Variants in AFF2 observed in about 807,000 individuals in gnomAD.
AFF2 encodes the protein AF4/FMR2 family member 2.
Under a neutral mutation model 76.9 loss-of-function variants are expected in AFF2, and 14 were observed. The observed-to-expected ratio is 0.18, with a 90% CI of 0.12 to 0.28. The LOEUF is 0.28. Ranked by LOEUF, AFF2 falls within the 10% of genes least tolerant of loss-of-function variation. The probability of loss-of-function intolerance (pLI) is 1.00; values close to 1 mark genes in which losing one functional copy is unlikely to be tolerated. For synonymous variants in AFF2, 398 were observed against 366.7 expected (o/e 1.09, Z -0.98); for missense variants, 868 against 1,001.1 (o/e 0.87, Z 1.79).
At chrX:148,665,965 G>A (rs2054354958) in intron 3 of AFF2, among the ~76,000 whole-genome samples, 2 of 111,796 alleles carry the variant, frequency 1.8e-5, no homozygotes, top group African/African-American at 3.3e-5. Flanking sequence ...AAGTGCATTT[G>A]TGGGGAGGGT....
At chrX:148,774,980 CTTGA>C (rs1265988086) in intron 3 of AFF2, among the ~76,000 whole-genome samples, 12 of 111,831 alleles carry the variant, frequency 1.1e-4, no homozygotes, top group African/African-American at 3.6e-4. Flanking sequence ...AGCTCTTTTG[CTTGA>C]TTATTTGTAA....
intron 1 of AFF2, among the ~76,000 whole-genome samples, chrX:148,602,282 G>A (rs1163094022): frequency 8.9e-6 from 1 of 111,745 alleles, no homozygotes; most frequent in East Asian, 2.8e-4. Flanking sequence ...AAAAGAAGAA[G>A]GCGGGGACAG....
rs1037632478 is a variant in AFF2, at chrX:148,904,090, C to T, written c.1360-131C>T. 1.4e-5 allele frequency: 7 copies of T among 496,652 alleles called. No individual in the cohort carries two copies. The African/African-American group carries it at 1.5e-4, about 11-fold the overall frequency. The allele number at this position is 496,652 out of a possible 1,213,427, so 40.9% of individuals were successfully genotyped here. A position where few individuals can be genotyped will look rare whatever the true frequency, so the allele number is the denominator to read the frequency against. On this transcript the variant is annotated intron_variant, in intron 8 of 20. Coordinates refer to ENST00000370460, the MANE Select transcript of AFF2 (RefSeq NM_002025.4). ...CTTTCTGAGTCTCCAGTCTGCTTATCTACAGCACCCTGTTTCGGTTAGCTC... is the reference window on the plus strand; with the variant it reads ...CTTTCTGAGTCTCCAGTCTGCTTATTTACAGCACCCTGTTTCGGTTAGCTC...
In AFF2 at chrX:148,947,237, C is replaced by G. The variant is rs978072922; in HGVS notation, c.1398-6343C>G. Among the ~76,000 whole-genome samples the G allele has an allele frequency of 2.7e-5, 3 of 112,323 alleles. No individual in the cohort carries two copies. In the East Asian group the frequency reaches 8.4e-4, roughly 32 times the overall value. Reference sequence around the variant, plus strand: ...AGTTATATCAGGGTGTGGCCCAGATCACAACTGGACCATAATCGACTGTCT... The same window carrying G: ...AGTTATATCAGGGTGTGGCCCAGATGACAACTGGACCATAATCGACTGTCT... On this transcript the variant is annotated intron_variant, in intron 9 of 20. Coordinates refer to ENST00000370460, the MANE Select transcript of AFF2 (RefSeq NM_002025.4).
chrX:148,851,531 G>T (rs2070730810), intron 7 of AFF2, among the ~76,000 whole-genome samples: 1 of 111,274 alleles, frequency 9.0e-6, no homozygotes, highest in Admixed American at 9.6e-5. Context: ...ATACTGCCTT[G>T]TCCTTGCCAA....
rs2054669270 is a variant in AFF2 at position 148,693,001 on chromosome X, C to T, written c.1041+30233C>T. Among the ~76,000 whole-genome samples, 3 of 111,363 alleles carry T rather than the reference C, an allele frequency of 2.7e-5. No homozygotes were observed. The South Asian group carries it at 1.1e-3, about 42-fold the overall frequency. ...TGGCGCGATCTCGGCTCACTACAAGCTCCACCTCCTGGGTTTACGCCATTC... is the reference window on the plus strand; with the variant it reads ...TGGCGCGATCTCGGCTCACTACAAGTTCCACCTCCTGGGTTTACGCCATTC... On this transcript the variant is annotated intron_variant, in intron 3 of 20. Coordinates refer to ENST00000370460, the MANE Select transcript of AFF2 (RefSeq NM_002025.4).
chrX:148,940,180 A>G (rs1193686358), intron 9 of AFF2, among the ~76,000 whole-genome samples: 1 of 111,627 alleles, frequency 9.0e-6, no homozygotes, highest in Non-Finnish European at 1.9e-5. Context: ...CATGTCTCCC[A>G]TGCTTTGCAA....
intron 1 of AFF2, among the ~76,000 whole-genome samples, chrX:148,609,422 T>C (rs1286256017): frequency 2.7e-5 from 3 of 111,441 alleles, no homozygotes; most frequent in South Asian, 7.4e-4. Flanking sequence ...TCTGTTCTAG[T>C]TGGGTTATAT....
chrX:148,979,503 C>A (rs2124415241), intron 18 of AFF2, among the ~76,000 whole-genome samples: 1 of 111,848 alleles, frequency 8.9e-6, no homozygotes, highest in South Asian at 3.8e-4. Context: ...ATCAGAATCC[C>A]CCAGAGGGCT....
intron 1 of AFF2, among the ~76,000 whole-genome samples, chrX:148,539,700 T>G (rs1307866493): frequency 3.6e-5 from 4 of 111,043 alleles, no homozygotes; most frequent in African/African-American, 1.3e-4. Context: ...AACTAGCTCC[T>G]TCCTGTCTTA....
intron 1 of AFF2, among the ~76,000 whole-genome samples, chrX:148,506,486 C>A (rs2052419697): frequency 9.0e-6 from 1 of 111,108 alleles, no homozygotes; most frequent in South Asian, 3.8e-4. Flanking sequence ...CTGCTTTTTC[C>A]TTTTAATTAG....
chrX:148,642,002 T>C (rs2054093854), intron 1 of AFF2, among the ~76,000 whole-genome samples: 1 of 112,390 alleles, frequency 8.9e-6, no homozygotes, highest in Non-Finnish European at 1.9e-5. Flanking sequence ...GTTGATGCAA[T>C]TTAACTCACA....
intron 3 of AFF2, among the ~76,000 whole-genome samples, chrX:148,721,156 A>G (rs1043906292): frequency 8.9e-6 from 1 of 112,182 alleles, no homozygotes. Flanking sequence ...GTATTTTACA[A>G]TCAAAGTGAG....
intron 9 of AFF2, among the ~76,000 whole-genome samples, chrX:148,930,463 GC>G (rs1481383491): frequency 8.9e-6 from 1 of 111,995 alleles, no homozygotes; most frequent in Non-Finnish European, 1.9e-5. Flanking sequence ...TTCTGAGCCA[GC>G]CTAGGCCATT....
chrX:148,570,825 C>T (rs1473475166), intron 1 of AFF2, among the ~76,000 whole-genome samples: 1 of 110,977 alleles, frequency 9.0e-6, no homozygotes, highest in Non-Finnish European at 1.9e-5. Context: ...GTTGATCCAT[C>T]GCTCCAATCC....
chrX:148,610,320 T>C (rs1557249329), intron 1 of AFF2, among the ~76,000 whole-genome samples: 1 of 111,571 alleles, frequency 9.0e-6, no homozygotes, highest in African/African-American at 3.3e-5. Flanking sequence ...TAACAGAATG[T>C]GGGATTCCTG....
At chrX:148,615,690 A>C (rs1390351197) in intron 1 of AFF2, among the ~76,000 whole-genome samples, 1 of 111,675 alleles carries the variant, frequency 9.0e-6, no homozygotes. Context: ...TTAGCCCATT[A>C]TTCTTTTGTA....
At chrX:148,981,356 C>T (rs1417958656) in intron 19 of AFF2, among the ~76,000 whole-genome samples, 1 of 110,952 alleles carries the variant, frequency 9.0e-6, no homozygotes, top group East Asian at 2.8e-4. Context: ...CTGCTTGGGA[C>T]AGCTCAGTCT....
At chrX:148,860,936 A>G (rs1308700127) in intron 7 of AFF2, among the ~76,000 whole-genome samples, 3 of 111,742 alleles carry the variant, frequency 2.7e-5, no homozygotes, top group East Asian at 5.7e-4. Context: ...GTGGTTGTAC[A>G]GAGTTAATCC....
Sources: gnomAD v4.1 joint callset for allele counts (sites outside exome capture counted in the v4.1 genomes callset) on GRCh38, gnomAD v4.1.1 for gene constraint, MANE v1.5 for transcripts, NCBI Gene and HGNC (gene_info 2026-07-23, HGNC 2026-07-21) for gene names.